ANKRD27: variants seen among roughly 807,000 people sequenced by gnomAD.
ANKRD27 encodes ankyrin repeat domain 27.
Under a neutral mutation model 129.7 loss-of-function variants are expected in ANKRD27, and 112 were observed. The ratio of observed to expected loss-of-function variants is 0.86; its 90% CI spans 0.74 to 1.01. ANKRD27 has a LOEUF of 1.01. ANKRD27 is among the 50% of genes least tolerant of loss of function. The probability of loss-of-function intolerance (pLI) is 0.00; values close to 1 mark genes in which losing one functional copy is unlikely to be tolerated. For missense variants in ANKRD27, 1,258 were observed against 1,300.5 expected, an observed-to-expected ratio of 0.97 and a Z score of 0.50; for synonymous variants, 516 against 511.2, an observed-to-expected ratio of 1.01 and a Z score of -0.13.
chr19:32,615,584 AAAAAACAAAAAC>A (rs1223920696), intron 22 of ANKRD27, 62 bp downstream of exon 22: 18 of 1,612,756 alleles, frequency 1.1e-5, no homozygotes, highest in Middle Eastern at 1.6e-4. Context: ...ACCCTGTCTC[AAAAAACAAAAAC>A]AAAAACAAAA....
chr19:32,672,923 A>G (rs1967900236), intron 1 of ANKRD27: 1 of 152,208 alleles, frequency 6.6e-6, no homozygotes, highest in Admixed American at 6.5e-5. Flanking sequence ...GGTACCTATC[A>G]TGACATGGTC....
At chr19:32,615,582 T>G in intron 22 of ANKRD27, 76 bp downstream of exon 22, 4 of 1,611,802 alleles carry the variant, frequency 2.5e-6, no homozygotes, top group Non-Finnish European at 3.4e-6. Flanking sequence ...AGACCCTGTC[T>G]CAAAAAACAA....
intron 23 of ANKRD27, 91 bp downstream of exon 23, chr19:32,607,544 G>T: frequency 6.9e-7 from 1 of 1,451,884 alleles, no homozygotes; most frequent in Non-Finnish European, 9.4e-7. Flanking sequence ...CTCCAGGGTA[G>T]CCACCAAACC....
Position 32,658,921 on chromosome 19 carries a change from T to G in ANKRD27, c.95A>C (p.His32Pro), listed in dbSNP as rs149860363. 120 of 1,613,848 alleles carry G rather than the reference T, an allele frequency of 7.4e-5. No individual in the cohort carries two copies. The highest frequency in any genetic ancestry group is 8.6e-5 in the Non-Finnish European group (102 of 1,179,928). Reference sequence around the variant, plus strand: ...GAGGCTCAGTGCACTTACAATGCCATGGATTTGGGCCACTTTGCTGCACAA... The same window carrying G: ...GAGGCTCAGTGCACTTACAATGCCAGGGATTTGGGCCACTTTGCTGCACAA... ...PDLCSKVAQI[H>P]GIVLVPCKGS... Residue 32 changes from histidine (H) to proline (P), a missense_variant, in exon 2 of 29, where the codon CAT (histidine) becomes CCT (proline). Transcript: ENST00000306065.
At position 32,643,217 on chromosome 19, in the gene ANKRD27, C is replaced by T. The variant is rs909933074; in HGVS notation, c.706-18G>A. On this transcript the variant is annotated intron_variant, in intron 8 of 28. Coordinates refer to ENST00000306065, the MANE Select transcript of ANKRD27 (RefSeq NM_032139.3). The stretch of plus-strand genomic sequence containing the variant: ...GCCGCATCCTAACAACAGATTTTAA[C>T]GAACCTTCAAATTTCTCAAAAAGCA... The T allele has an allele frequency of 3.7e-6, 6 of 1,613,926 alleles. No homozygotes were observed. The highest frequency in any genetic ancestry group is 2.2e-5 in the East Asian group (1 of 44,900).
At chr19:32,657,398 G>A (rs564129189) in intron 2 of ANKRD27, among the ~76,000 whole-genome samples, 1 of 151,694 alleles carries the variant, frequency 6.6e-6, no homozygotes, top group East Asian at 1.9e-4. Context: ...GGAGGTGGAG[G>A]TTGCAGTGAG....
chr19:32,627,986 C>T lies in ANKRD27; in HGVS notation c.1420+97G>A. The T allele has an allele frequency of 6.1e-6, 7 of 1,140,794 alleles. No individual in the cohort carries two copies. In the South Asian group the frequency reaches 8.3e-5, roughly 13 times the overall value. The allele number at this position is 1,140,794 out of a possible 1,614,324, so 70.7% of individuals were successfully genotyped here. A position where few individuals can be genotyped will look rare whatever the true frequency, so the allele number is the denominator to read the frequency against. ...CCACGATGCAGCCCCAACTGCCAAC[C>T]CCCACCCAGCCCATCAGCCAGGCCT... On this transcript the variant is annotated intron_variant, in intron 15 of 28. Coordinates refer to ENST00000306065, the MANE Select transcript of ANKRD27 (RefSeq NM_032139.3).
chr19:32,666,321 G>A (rs2145326258), intron 1 of ANKRD27: 1 of 152,292 alleles, frequency 6.6e-6, no homozygotes, highest in African/African-American at 2.4e-5. Context: ...GAATCAGTAT[G>A]GAACACACCT....
intron 15 of ANKRD27, 111 bp from the exon 16 acceptor site, chr19:32,626,938 A>C: frequency 1.6e-6 from 1 of 611,982 alleles, no homozygotes; most frequent in Non-Finnish European, 2.8e-6. Context: ...CATGAAACCC[A>C]CGGTAGATAC....
At chr19:32,674,850 G>A (rs1967952597) in intron 1 of ANKRD27, among the ~76,000 whole-genome samples, 2 of 152,058 alleles carry the variant, frequency 1.3e-5, no homozygotes, top group South Asian at 4.1e-4. Flanking sequence ...CAGACCCGAG[G>A]GGCGGAGTGG....
chr19:32,628,931 G>GT (rs1966940661), intron 13 of ANKRD27, 82 bp from the exon 14 acceptor site: 3 of 1,530,496 alleles, frequency 2.0e-6, no homozygotes, highest in Non-Finnish European at 2.7e-6. Flanking sequence ...GTCCTTTTTG[G>GT]TTTTTTTGAG....
In ANKRD27 at chr19:32,622,629, G is replaced by A. The variant is rs370776920; in HGVS notation, c.1630-10C>T. The A allele has an allele frequency of 6.2e-7, 1 of 1,613,096 alleles. No individual in the cohort carries two copies. The highest frequency in any genetic ancestry group is 1.1e-5 in the South Asian group (1 of 91,044). ...CCAGAGCCTTCACACACTGCAAAGA[G>A]ATGGGGAAATGGCATCGCTCATGGA... On this transcript the variant is annotated splice_polypyrimidine_tract_variant and intron_variant, in intron 17 of 28. Coordinates refer to ENST00000306065, the MANE Select transcript of ANKRD27 (RefSeq NM_032139.3).
intron 1 of ANKRD27, among the ~76,000 whole-genome samples, chr19:32,666,950 A>T (rs533271270): frequency 0.012 from 1,877 of 152,142 alleles, 51 homozygotes; most frequent in African/African-American, 0.043. Context: ...CCCAGCCAGG[A>T]GATCAGATTT....
chr19:32,608,368 G>A, intron 22 of ANKRD27: 2 of 314,778 alleles, frequency 6.4e-6, no homozygotes, highest in Non-Finnish European at 1.3e-5. Flanking sequence ...CCTTTGAGGG[G>A]CATGGCCACA....
intron 10 of ANKRD27, among the ~76,000 whole-genome samples, chr19:32,641,142 C>T (rs1035906400): frequency 3.3e-5 from 5 of 151,778 alleles, no homozygotes; most frequent in African/African-American, 7.3e-5. Flanking sequence ...ACCTCGTGAT[C>T]TGCCCGCCTC....
chr19:32,668,573 G>A (rs259274), intron 1 of ANKRD27, among the ~76,000 whole-genome samples: 149,076 of 151,736 alleles, frequency 0.98, 73,242 homozygotes, highest in East Asian at 1. Context: ...CCTGGGCTGA[G>A]GTGATCCTCC....
At chr19:32,658,223 T>C (rs572681175) in intron 2 of ANKRD27, among the ~76,000 whole-genome samples, 1 of 152,214 alleles carries the variant, frequency 6.6e-6, no homozygotes, top group Admixed American at 6.5e-5. Context: ...ATGACACAAA[T>C]GCACCCGGGA....
At chr19:32,623,551 GTT>G (rs575591637) in intron 17 of ANKRD27, among the ~76,000 whole-genome samples, 7 of 135,660 alleles carry the variant, frequency 5.2e-5, no homozygotes, top group African/African-American at 5.4e-5. Context: ...GAGACCTGTT[GTT>G]TTTTTTTTTT....
intron 6 of ANKRD27, 33 bp from the exon 7 acceptor site, chr19:32,643,517 T>TG (rs1967242797): frequency 6.2e-7 from 1 of 1,613,676 alleles, no homozygotes; most frequent in African/African-American, 1.3e-5. Context: ...TGAAAGGGCT[T>TG]GGATTTGCAT....
Sources: gnomAD v4.1 joint callset for allele counts (sites outside exome capture counted in the v4.1 genomes callset) on GRCh38, gnomAD v4.1.1 for gene constraint, MANE v1.5 for transcripts, NCBI Gene and HGNC (gene_info 2026-07-23, HGNC 2026-07-21) for gene names.